PLEKHA2: variants seen among roughly 807,000 people sequenced by gnomAD.
PLEKHA2 encodes the protein pleckstrin homology domain-containing family A member 2.
A neutral mutation model predicts 53.2 loss-of-function variants in PLEKHA2; 28 were observed. The ratio of observed to expected loss-of-function variants is 0.53; its 90% CI spans 0.39 to 0.72. The LOEUF (loss-of-function observed/expected upper bound fraction) is 0.72, where lower values mean the gene tolerates loss of function less well. Among genes scored for constraint, PLEKHA2 ranks in the 30% least tolerant of loss-of-function variants. PLEKHA2 has a pLI of 0.00. For missense variants in PLEKHA2, 426 were observed against 537.9 expected (o/e 0.79, Z 2.06); for synonymous variants, 193 against 196.4 (o/e 0.98, Z 0.14).
At chr8:38,913,161 C>G (rs1486103589) in intron 1 of PLEKHA2, among the ~76,000 whole-genome samples, 3 of 152,150 alleles carry the variant, frequency 2.0e-5, no homozygotes, top group Non-Finnish European at 4.4e-5. Context: ...GTCAGGATTT[C>G]AAGACCAGCC....
chr8:38,964,851 C>CTTTTT, intron 10 of PLEKHA2, among the ~76,000 whole-genome samples: 1 of 103,532 alleles, frequency 9.7e-6, no homozygotes, highest in African/African-American at 3.6e-5. Flanking sequence ...TTGTTACTTC[C>CTTTTT]CTTTTTTTTT....
chr8:38,902,540 TG>T (rs1833807065), intron 1 of PLEKHA2, among the ~76,000 whole-genome samples: 1 of 152,160 alleles, frequency 6.6e-6, no homozygotes, highest in Non-Finnish European at 1.5e-5. Flanking sequence ...GCTGTGGCTC[TG>T]GGGGCTCTGA....
intron 6 of PLEKHA2, among the ~76,000 whole-genome samples, chr8:38,951,427 G>GAAGA (rs1834838934): frequency 6.7e-6 from 1 of 150,080 alleles, no homozygotes. Context: ...ACAGAGAAAG[G>GAAGA]AAAGGTTTAT....
At chr8:38,954,182 C>G (rs1407381759) in intron 9 of PLEKHA2, among the ~76,000 whole-genome samples, 6 of 152,210 alleles carry the variant, frequency 3.9e-5, no homozygotes, top group African/African-American at 1.4e-4. Context: ...CGACTCTTCT[C>G]CCATGAAGGC....
intron 10 of PLEKHA2, among the ~76,000 whole-genome samples, chr8:38,963,518 A>C (rs1835076900): frequency 2.0e-5 from 3 of 152,198 alleles, no homozygotes; most frequent in Non-Finnish European, 4.4e-5. Flanking sequence ...TAATTTTTGC[A>C]TACAATTTTG....
intron 5 of PLEKHA2, among the ~76,000 whole-genome samples, chr8:38,949,331 T>A (rs960759140): frequency 6.6e-6 from 1 of 151,896 alleles, no homozygotes; most frequent in African/African-American, 2.4e-5. Context: ...GCAACAGGAA[T>A]GAGGATAAGT....
chr8:38,905,484 C>T (rs1301414263), intron 1 of PLEKHA2, among the ~76,000 whole-genome samples: 2 of 150,178 alleles, frequency 1.3e-5, no homozygotes, highest in Non-Finnish European at 3.0e-5. Context: ...TTTTTAAATA[C>T]TCATACTGAT....
intron 4 of PLEKHA2, 38 bp from the exon 5 acceptor site, chr8:38,946,086 C>G (rs1389680560): frequency 6.6e-7 from 1 of 1,509,122 alleles, no homozygotes; most frequent in Non-Finnish European, 9.1e-7. Flanking sequence ...GTATTCTGAC[C>G]TAGGAATGTC....
rs200543152 is a variant in PLEKHA2 at position 38,940,315 on chromosome 8, CT to C, written c.199-3472del. 5.0e-3 allele frequency among the ~76,000 whole-genome samples: 754 copies of C among 152,186 alleles called. 7 individuals are homozygous for C. The highest frequency in any genetic ancestry group is 0.018 in the African/African-American group (728 of 41,520). On this transcript the variant is annotated intron_variant, in intron 3 of 11. Coordinates refer to ENST00000617275, the MANE Select transcript of PLEKHA2 (RefSeq NM_021623.2). ...TTGGGAGGCTGAGGCAGGAGAATCG[CT>C]TGAACCTGGGGGGCGGAGGTTGTAG...
At position 38,918,022 on chromosome 8, in the gene PLEKHA2, T is replaced by G. The variant is rs1395934518; in HGVS notation, c.93T>G (p.Ile31Met). 7.4e-6 allele frequency: 12 copies of G among 1,613,392 alleles called. No individual in the cohort carries two copies. The highest frequency in any genetic ancestry group is 8.5e-6 in the Non-Finnish European group (10 of 1,179,664). Residue 31 changes from isoleucine to methionine, a missense_variant, in exon 2 of 12, where the codon ATT (isoleucine) becomes ATG (methionine). Transcript: ENST00000617275. The stretch of plus-strand genomic sequence containing the variant: ...GCAAGTTTCTGCGGAGGTACTTCAT[T>G]CTGGACACCCAGGCTAACTGCCTCC... Reference protein sequence around the residue: ...NSGKFLRRYFILDTQANCLLW... With the variant: ...NSGKFLRRYFMLDTQANCLLW...
At chr8:38,903,129 TC>T (rs1833818472) in intron 1 of PLEKHA2, among the ~76,000 whole-genome samples, 3 of 152,370 alleles carry the variant, frequency 2.0e-5, no homozygotes, top group South Asian at 4.1e-4. Context: ...GTGTGGTTGT[TC>T]CTCAAACCTG....
At chr8:38,909,924 A>G (rs1214286528) in intron 1 of PLEKHA2, among the ~76,000 whole-genome samples, 1 of 151,226 alleles carries the variant, frequency 6.6e-6, no homozygotes, top group Non-Finnish European at 1.5e-5. Flanking sequence ...ATCATATAAA[A>G]CTTCCCACTT....
chr8:38,906,183 A>C (rs1229682402), intron 1 of PLEKHA2, among the ~76,000 whole-genome samples: 1 of 152,210 alleles, frequency 6.6e-6, no homozygotes, highest in East Asian at 1.9e-4. Flanking sequence ...ATAGGCTGTA[A>C]AGCCAGTATG....
rs778516003 is a variant in PLEKHA2, at chr8:38,969,411, A to G, written c.916-10A>G. The G allele has an allele frequency of 1.9e-6, 3 of 1,596,768 alleles. No individual in the cohort carries two copies. In the South Asian group the frequency reaches 3.4e-5, roughly 18 times the overall value. On this transcript the variant is annotated splice_polypyrimidine_tract_variant and intron_variant, in intron 11 of 11. Coordinates refer to ENST00000617275, the MANE Select transcript of PLEKHA2 (RefSeq NM_021623.2). Reference sequence around the variant, plus strand: ...TTTCTTTTGTCTTTTTCTTCCTTTTATTTTTATAGGAAACGTCCTTTTCTA... The same window carrying G: ...TTTCTTTTGTCTTTTTCTTCCTTTTGTTTTTATAGGAAACGTCCTTTTCTA...
intron 2 of PLEKHA2, among the ~76,000 whole-genome samples, chr8:38,926,871 C>T (rs1355347901): frequency 2.6e-5 from 4 of 152,066 alleles, no homozygotes; most frequent in East Asian, 1.9e-4. Flanking sequence ...GCTGAGATCA[C>T]GCCATTGCAC....
intron 6 of PLEKHA2, 74 bp from the exon 7 acceptor site, chr8:38,952,092 G>C: frequency 6.6e-7 from 1 of 1,524,754 alleles, no homozygotes; most frequent in South Asian, 1.2e-5. Flanking sequence ...CAGAGATTCA[G>C]GCAGAGGGAG....
chr8:38,949,613 G>T (rs1834787797), intron 5 of PLEKHA2, among the ~76,000 whole-genome samples: 1 of 152,200 alleles, frequency 6.6e-6, no homozygotes, highest in South Asian at 2.1e-4. Flanking sequence ...GATTTGATCA[G>T]CTGTGGTACC....
intron 2 of PLEKHA2, among the ~76,000 whole-genome samples, chr8:38,920,227 T>C (rs1185012083): frequency 6.6e-6 from 1 of 151,736 alleles, no homozygotes; most frequent in Admixed American, 6.6e-5. Flanking sequence ...CTCGGCTCGC[T>C]GCAAGCTCTG....
chr8:38,957,526 G>A, intron 10 of PLEKHA2, 140 bp downstream of exon 10: 1 of 677,430 alleles, frequency 1.5e-6, no homozygotes, highest in Non-Finnish European at 2.5e-6. Flanking sequence ...GAGTCAGTCT[G>A]AGTCCCATTT....
Sources: gnomAD v4.1 joint callset for allele counts (sites outside exome capture counted in the v4.1 genomes callset) on GRCh38, gnomAD v4.1.1 for gene constraint, MANE v1.5 for transcripts, NCBI Gene and HGNC (gene_info 2026-07-23, HGNC 2026-07-21) for gene names.